The following WDR70 variants were observed in gnomAD, a reference collection of about 807,000 sequenced individuals.
WDR70 encodes WD repeat-containing protein 70.
In WDR70, 53 loss-of-function variants were observed where a neutral mutation model predicts 88.6. That is an observed-to-expected ratio of 0.60 (90% CI 0.48 to 0.75). The LOEUF (loss-of-function observed/expected upper bound fraction) is 0.75, where lower values mean the gene tolerates loss of function less well. Among genes scored for constraint, WDR70 ranks in the 30% least tolerant of loss-of-function variants. WDR70 has a pLI of 0.00. For missense variants in WDR70, 610 were observed against 823.2 expected (o/e 0.74, Z 3.17); for synonymous variants, 280 against 270.0 (o/e 1.04, Z -0.36).
chr5:37,670,516 C>T (rs1263700799), intron 10 of WDR70, among the ~76,000 whole-genome samples: 1 of 152,294 alleles, frequency 6.6e-6, no homozygotes, highest in East Asian at 1.9e-4. Context: ...GGGTGTGCCA[C>T]ATTTTCAGTA....
At chr5:37,523,279 A>G (rs1741153208) in intron 9 of WDR70, among the ~76,000 whole-genome samples, 1 of 152,202 alleles carries the variant, frequency 6.6e-6, no homozygotes, top group Non-Finnish European at 1.5e-5. Flanking sequence ...CTCTGAGACG[A>G]AGCTTCCAGA....
At chr5:37,479,099 A>G (rs1561867889) in intron 7 of WDR70, among the ~76,000 whole-genome samples, 1 of 152,152 alleles carries the variant, frequency 6.6e-6, no homozygotes, top group African/African-American at 2.4e-5. Flanking sequence ...ATGATTTTCC[A>G]TGGACTGGAA....
At chr5:37,517,369 A>T (rs969811403) in intron 9 of WDR70, among the ~76,000 whole-genome samples, 182 of 147,258 alleles carry the variant, frequency 1.2e-3, no homozygotes, top group African/African-American at 4.1e-3. Context: ...TGGTTATTAA[A>T]TTTTTTTTTT....
At chr5:37,736,106 A>T (rs926632600) in intron 17 of WDR70, among the ~76,000 whole-genome samples, 2 of 152,166 alleles carry the variant, frequency 1.3e-5, no homozygotes, top group Non-Finnish European at 2.9e-5. Context: ...GGAGGGAGAG[A>T]AAAGGAGCTG....
chr5:37,502,807 G>A (rs946887200), intron 8 of WDR70, among the ~76,000 whole-genome samples: 7 of 152,036 alleles, frequency 4.6e-5, no homozygotes, highest in Non-Finnish European at 1.0e-4. Flanking sequence ...AAGCAGAAGC[G>A]AGAGAGAGAG....
At chr5:37,671,416 G>T (rs1351070975) in intron 10 of WDR70, among the ~76,000 whole-genome samples, 6 of 152,120 alleles carry the variant, frequency 3.9e-5, no homozygotes, top group African/African-American at 1.2e-4. Context: ...TGGGGGAGAA[G>T]GGCAGGGGTG....
intron 9 of WDR70, among the ~76,000 whole-genome samples, chr5:37,580,686 G>A (rs1173798178): frequency 1.3e-5 from 2 of 152,240 alleles, no homozygotes; most frequent in Admixed American, 6.5e-5. Flanking sequence ...GACTAAACTG[G>A]TCTAGGGCAG....
chr5:37,577,756 G>A (rs113568510), intron 9 of WDR70, among the ~76,000 whole-genome samples: 163 of 152,260 alleles, frequency 1.1e-3, no homozygotes, highest in Non-Finnish European at 1.5e-3. Context: ...GAGGAGAGCC[G>A]GTATGAGGGG....
intron 8 of WDR70, among the ~76,000 whole-genome samples, chr5:37,500,136 T>C (rs1365275483): frequency 1.3e-5 from 2 of 152,192 alleles, no homozygotes; most frequent in Non-Finnish European, 1.5e-5. Flanking sequence ...CCACTGTATA[T>C]ACCTTTGTGT....
chr5:37,596,497 AAAG>A (rs1316509519), intron 9 of WDR70, among the ~76,000 whole-genome samples: 1 of 152,190 alleles, frequency 6.6e-6, no homozygotes, highest in Non-Finnish European at 1.5e-5. Flanking sequence ...GAAGTCTCCG[AAAG>A]AAGGTTACAG....
chr5:37,402,328 T>TGTGTGTGTGTG (rs60585321), intron 5 of WDR70, among the ~76,000 whole-genome samples: 3 of 149,016 alleles, frequency 2.0e-5, no homozygotes, highest in African/African-American at 7.4e-5. Flanking sequence ...TGTGTGTGTG[T>TGTGTGTGTGTG]TTTAAATTTT....
intron 5 of WDR70, among the ~76,000 whole-genome samples, chr5:37,419,281 G>A (rs1230055166): frequency 2.7e-5 from 4 of 149,328 alleles, no homozygotes; most frequent in South Asian, 2.1e-4. Flanking sequence ...ATCTTGGCTC[G>A]CTGCAACTTC....
chr5:37,606,139 T>C (rs892584575), intron 10 of WDR70, among the ~76,000 whole-genome samples: 10 of 152,200 alleles, frequency 6.6e-5, no homozygotes, highest in African/African-American at 2.4e-4. Context: ...CTATCAAATA[T>C]TTACATTTTG....
intron 12 of WDR70, among the ~76,000 whole-genome samples, chr5:37,702,695 A>G (rs1747200279): frequency 6.6e-6 from 1 of 152,214 alleles, no homozygotes; most frequent in Non-Finnish European, 1.5e-5. Context: ...TTTGAATCCC[A>G]GCTGTGCTAC....
intron 7 of WDR70, among the ~76,000 whole-genome samples, chr5:37,470,875 G>C (rs1260727741): frequency 6.7e-6 from 1 of 148,400 alleles, no homozygotes; most frequent in Non-Finnish European, 1.5e-5. Context: ...CATACATTCT[G>C]CATTAGCAAG....
intron 17 of WDR70, 109 bp downstream of exon 17, chr5:37,727,154 T>A: frequency 4.4e-6 from 6 of 1,371,982 alleles, no homozygotes; most frequent in African/African-American, 1.5e-5. Context: ...ATTTCATACT[T>A]AGATATGAAA....
chr5:37,527,430 A>C (rs896216842), intron 9 of WDR70, among the ~76,000 whole-genome samples: 1 of 152,254 alleles, frequency 6.6e-6, no homozygotes, highest in Non-Finnish European at 1.5e-5. Flanking sequence ...GGCTAGCCAT[A>C]TGTAGAAAGC....
intron 9 of WDR70, among the ~76,000 whole-genome samples, chr5:37,566,298 C>T (rs1742739277): frequency 1.0e-5 from 1 of 95,290 alleles, no homozygotes; most frequent in African/African-American, 2.7e-5. Context: ...TTATTTTCCT[C>T]CTGTGATAAT....
intron 10 of WDR70, among the ~76,000 whole-genome samples, chr5:37,632,572 A>T (rs963845594): frequency 1.4e-4 from 21 of 152,330 alleles, no homozygotes; most frequent in African/African-American, 5.1e-4. Context: ...AAAAAGTTTT[A>T]AAAGTTAAAA....
Sources: allele counts gnomAD v4.1 joint callset (sites outside exome capture counted in the v4.1 genomes callset), GRCh38; gene constraint gnomAD v4.1.1; transcripts MANE v1.5; gene names NCBI Gene and HGNC (gene_info 2026-07-23, HGNC 2026-07-21).